Variants in CD38 observed in about 807,000 individuals in gnomAD.
The protein encoded by CD38 is ADP-ribosyl cyclase/cyclic ADP-ribose hydrolase 1.
In CD38, 31 loss-of-function variants were observed where a neutral mutation model predicts 36.3. That is an observed-to-expected ratio of 0.85 (90% CI 0.64 to 1.15). CD38 has a LOEUF of 1.15. Ranked by LOEUF, CD38 falls within the 50% of genes most tolerant of loss-of-function variation. The pLI is 0.00. For synonymous variants in CD38, 131 were observed against 135.2 expected, an observed-to-expected ratio of 0.97 and a Z score of 0.22; for missense variants, 380 against 371.9, an observed-to-expected ratio of 1.02 and a Z score of -0.18.
intron 1 of CD38, among the ~76,000 whole-genome samples, chr4:15,779,686 T>C (rs777923825): frequency 6.6e-6 from 1 of 152,150 alleles, no homozygotes; most frequent in Non-Finnish European, 1.5e-5. Context: ...TATTTACACA[T>C]AATTAGATAC....
intron 1 of CD38, among the ~76,000 whole-genome samples, chr4:15,804,117 T>C (rs1723288178): frequency 6.6e-6 from 1 of 152,192 alleles, no homozygotes; most frequent in African/African-American, 2.4e-5. Flanking sequence ...GTAATGAACA[T>C]ATAAGTGCAT....
At chr4:15,838,934 C>T (rs918241341) in intron 5 of CD38, among the ~76,000 whole-genome samples, 3 of 152,182 alleles carry the variant, frequency 2.0e-5, no homozygotes, top group African/African-American at 7.2e-5. Context: ...AATCTGGCCA[C>T]ACCTGTGCCT....
In CD38 at chr4:15,817,526, A is replaced by C. The variant is rs76016815; in HGVS notation, c.363+886A>C. The stretch of plus-strand genomic sequence containing the variant: ...TGTCAAATAAGTGACTATGCGATGG[A>C]TAGTATGCTAAGCAATTTACTTGCA... On this transcript the variant is annotated intron_variant, in intron 2 of 7. Transcript: ENST00000226279. Among the ~76,000 whole-genome samples, 40 of 152,342 alleles carry C rather than the reference A, an allele frequency of 2.6e-4. No individual in the cohort carries two copies. In the East Asian group the frequency reaches 7.5e-3, roughly 29 times the overall value.
intron 1 of CD38, among the ~76,000 whole-genome samples, chr4:15,811,876 T>C (rs1723481816): frequency 6.6e-6 from 1 of 152,180 alleles, no homozygotes; most frequent in African/African-American, 2.4e-5. Context: ...AACAAGACCA[T>C]TTATGGTAAG....
chr4:15,818,054 C>G (rs969363056), intron 2 of CD38, among the ~76,000 whole-genome samples: 1 of 151,780 alleles, frequency 6.6e-6, no homozygotes, highest in Admixed American at 6.6e-5. Flanking sequence ...CAAGTGGTCT[C>G]GCTCAGCGGG....
In CD38 at chr4:15,851,486, C is replaced by T. The variant is rs1724384898; in HGVS notation, c.*2884C>T. 1 of 152,176 alleles carries T rather than the reference C, an allele frequency of 6.6e-6. No homozygotes were observed. Among genetic ancestry groups the T allele is most frequent in the South Asian group, 2.1e-4 (1 of 4,824 alleles). The allele number at this position is 152,176 out of a possible 1,614,324, so 9.4% of individuals were successfully genotyped here. On this transcript the variant is annotated 3_prime_UTR_variant, in exon 8 of 8. Coordinates refer to ENST00000226279, the MANE Select transcript of CD38 (RefSeq NM_001775.4). ...CTTACCCAAAGGCTGTGGGAATGAC[C>T]TGGGCCCTAATGCCCCTTTTCTAAA...
intron 5 of CD38, among the ~76,000 whole-genome samples, chr4:15,839,734 T>G (rs1161839126): frequency 6.6e-6 from 1 of 152,134 alleles, no homozygotes; most frequent in Non-Finnish European, 1.5e-5. Flanking sequence ...AAATTCTACA[T>G]TTCTAATGAG....
rs999340238 is a variant in CD38 at position 15,851,184 on chromosome 4, C to T, written c.*2582C>T. The T allele has an allele frequency of 3.3e-5, 5 of 152,226 alleles. No individual in the cohort carries two copies. The highest frequency in any genetic ancestry group is 1.2e-4 in the African/African-American group (5 of 41,426). The allele number at this position is 152,226 out of a possible 1,614,324, so 9.4% of individuals were successfully genotyped here. ...TCCGTGCATGACCTTGTGTGTCTAT[C>T]TTCATTACCACAATGCCTCATCTCT... On this transcript the variant is annotated 3_prime_UTR_variant, in exon 8 of 8. Coordinates refer to ENST00000226279, the MANE Select transcript of CD38 (RefSeq NM_001775.4).
chr4:15,835,911 CTT>C (rs1046092812), intron 4 of CD38, among the ~76,000 whole-genome samples: 1 of 151,978 alleles, frequency 6.6e-6, no homozygotes, highest in African/African-American at 2.4e-5. Context: ...ATTTATTTAT[CTT>C]GTAAGTTGCT....
intron 1 of CD38, among the ~76,000 whole-genome samples, chr4:15,786,820 C>A (rs954077082): frequency 1.3e-5 from 2 of 152,198 alleles, no homozygotes; most frequent in South Asian, 2.1e-4. Context: ...CAGGAGCCCA[C>A]GGCAGGGAGG....
At chr4:15,811,747 A>G (rs1233097449) in intron 1 of CD38, among the ~76,000 whole-genome samples, 1 of 152,250 alleles carries the variant, frequency 6.6e-6, no homozygotes, top group Non-Finnish European at 1.5e-5. Flanking sequence ...GCAAGGAAAC[A>G]GGATGCAAAG....
At chr4:15,790,056 C>A (rs910165414) in intron 1 of CD38, among the ~76,000 whole-genome samples, 4 of 151,618 alleles carry the variant, frequency 2.6e-5, no homozygotes, top group Admixed American at 2.0e-4. Flanking sequence ...GGAGAACATC[C>A]TAGGTAAAAG....
intron 3 of CD38, among the ~76,000 whole-genome samples, chr4:15,829,689 T>C (rs1723921241): frequency 2.0e-5 from 3 of 152,140 alleles, no homozygotes; most frequent in African/African-American, 7.2e-5. Flanking sequence ...TAATAGGTCT[T>C]ATTCATTCTA....
At chr4:15,840,657 G>C (rs1724187011) in intron 7 of CD38, 119 bp downstream of exon 7, 4 of 621,812 alleles carry the variant, frequency 6.4e-6, no homozygotes, top group African/African-American at 1.9e-5. Context: ...CCTTGATGAT[G>C]ATCACAGATG....
chr4:15,815,889 G>T (rs552250482), intron 1 of CD38, among the ~76,000 whole-genome samples: 15 of 152,160 alleles, frequency 9.9e-5, no homozygotes, highest in African/African-American at 3.4e-4. Context: ...AGTATGATAT[G>T]GGCTATGGGT....
intron 7 of CD38, 48 bp from the exon 8 acceptor site, chr4:15,848,489 CAG>C: frequency 7.0e-7 from 1 of 1,419,272 alleles, no homozygotes; most frequent in Non-Finnish European, 9.9e-7. Flanking sequence ...AATTGGACGA[CAG>C]ATGTATCCTA....
chr4:15,797,564 C>T (rs76625834), intron 1 of CD38, among the ~76,000 whole-genome samples: 137 of 152,222 alleles, frequency 9.0e-4, no homozygotes, highest in Non-Finnish European at 1.5e-3. Context: ...CTGCAGCTGC[C>T]GTGATAAAGT....
rs1165757056 is a variant in CD38, at chr4:15,778,555, C to T, written c.141C>T (p.Arg47=). The T allele has an allele frequency of 1.2e-6, 2 of 1,612,370 alleles. No homozygotes were observed. Among genetic ancestry groups the T allele is most frequent in the East Asian group, 4.5e-5 (2 of 44,734 alleles). Reference sequence around the variant, plus strand: ...TCGCGGTGGTCGTCCCGAGGTGGCGCCAGCAGTGGAGCGGTCCGGGCACCA... The same window carrying T: ...TCGCGGTGGTCGTCCCGAGGTGGCGTCAGCAGTGGAGCGGTCCGGGCACCA... The part of the protein sequence containing the change: ...VVLAVVVPRW[R]QQWSGPGTTK... Residue 47 remains arginine (R), a synonymous_variant, in exon 1 of 8, where the codon CGC becomes CGT. Transcript: ENST00000226279. This position sits in a 1 kb window ranked among gnomAD's most constrained non-coding sequence, Gnocchi z 4.9.
intron 1 of CD38, among the ~76,000 whole-genome samples, chr4:15,791,004 G>C (rs569377352): frequency 1.3e-4 from 19 of 147,024 alleles, no homozygotes; most frequent in African/African-American, 4.1e-4. Context: ...GGGAAGTGAG[G>C]AGCGTCTCCG....
Sources: allele counts gnomAD v4.1 joint callset (sites outside exome capture counted in the v4.1 genomes callset), GRCh38; gene constraint gnomAD v4.1.1; non-coding constraint Gnocchi (gnomAD v3.1); transcripts MANE v1.5; gene names NCBI Gene and HGNC (gene_info 2026-07-23, HGNC 2026-07-21).